The following MTMR2 variants were observed in gnomAD, a reference collection of about 807,000 sequenced individuals.
MTMR2 encodes the protein phosphatidylinositol-3,5-bisphosphate 3-phosphatase MTMR2.
Under a neutral mutation model 86.9 loss-of-function variants are expected in MTMR2, and 55 were observed. The ratio of observed to expected loss-of-function variants is 0.63; its 90% CI spans 0.51 to 0.79. The LOEUF is 0.79. MTMR2 is among the 30% of genes least tolerant of loss of function. The pLI, the probability that MTMR2 is intolerant of heterozygous loss-of-function variation, is 0.00. For synonymous variants in MTMR2, 241 were observed against 266.8 expected, an observed-to-expected ratio of 0.90 and a Z score of 0.94; for missense variants, 659 against 772.3, an observed-to-expected ratio of 0.85 and a Z score of 1.74.
chr11:95,883,974 T>C (rs1865429692), intron 2 of MTMR2, among the ~76,000 whole-genome samples: 1 of 152,212 alleles, frequency 6.6e-6, no homozygotes, highest in Non-Finnish European at 1.5e-5. Flanking sequence ...AAGGAGCTTA[T>C]AAAATGTGAA....
Position 95,923,910 on chromosome 11 carries a change from C to T in MTMR2, c.45G>A (p.Ala15=). The T allele has an allele frequency of 1.3e-6, 2 of 1,559,718 alleles. No homozygotes were observed. Among genetic ancestry groups the T allele is most frequent in the Admixed American group, 3.8e-5 (2 of 52,368 alleles). ...AGTCCACGCTGGGCGGCCGAGCCGC[C>T]GCCGGCTGGGAGCCAAGACTCTCGC... ...SSCESLGSQP[A]AARPPSVDSL... The change falls in exon 1 of 15, where the codon GCG becomes GCA. Residue 15 remains alanine, a synonymous_variant. Transcript: ENST00000346299.
chr11:95,910,349 T>C (rs2135607493), intron 1 of MTMR2, among the ~76,000 whole-genome samples: 1 of 152,166 alleles, frequency 6.6e-6, no homozygotes, highest in South Asian at 2.1e-4. Flanking sequence ...TTCACAGCAA[T>C]GAACAGAATC....
At chr11:95,923,654 AAGGT>A in intron 1 of MTMR2, 1 of 1,410,238 alleles carries the variant, frequency 7.1e-7, no homozygotes, top group East Asian at 2.6e-5. Flanking sequence ...CGGAATATGA[AAGGT>A]AGAGGAATCG....
chr11:95,865,705 A>T (rs768272776), intron 2 of MTMR2, 29 bp from the exon 3 acceptor site: 46 of 1,559,446 alleles, frequency 2.9e-5, no homozygotes, highest in Admixed American at 5.0e-5. Context: ...AAAAAGAAAC[A>T]TTTTTTTATT....
rs1863081865 is a variant in MTMR2 at position 95,832,919 on chromosome 11, AAGGTT to A, written c.*2366_*2370del. ...AGCTTTATTGCAATTCATTTCAAAT[AAGGTT>A]ATGTTTACAGACTTGTGGTAGACAT... On this transcript the variant is annotated 3_prime_UTR_variant, in exon 15 of 15. Coordinates refer to ENST00000346299, the MANE Select transcript of MTMR2 (RefSeq NM_016156.6). 6.6e-6 allele frequency: 1 copy of A among 152,172 alleles called. No homozygotes were observed. Among genetic ancestry groups the A allele is most frequent in the South Asian group, 2.1e-4 (1 of 4,832 alleles). The allele number at this position is 152,172 out of a possible 1,614,324, so 9.4% of individuals were successfully genotyped here. A position where few individuals can be genotyped will look rare whatever the true frequency, so the allele number is the denominator to read the frequency against.
At chr11:95,923,748 C>T (rs1565394652) in intron 1 of MTMR2, 127 bp downstream of exon 1, 1 of 1,478,258 alleles carries the variant, frequency 6.8e-7, no homozygotes, top group Non-Finnish European at 9.0e-7. Context: ...TTCCCAAGTC[C>T]CGGGGAAGGA....
At chr11:95,877,646 C>T (rs549268799) in intron 2 of MTMR2, among the ~76,000 whole-genome samples, 2 of 151,948 alleles carry the variant, frequency 1.3e-5, no homozygotes, top group Non-Finnish European at 2.9e-5. Flanking sequence ...AGGGTGGGCC[C>T]CTAATTCAAT....
Position 95,857,626 on chromosome 11 carries a change from C to T in MTMR2, c.580G>A (p.Ala194Thr). The T allele has an allele frequency of 6.2e-7, 1 of 1,608,938 alleles. No individual in the cohort carries two copies. Among genetic ancestry groups the T allele is most frequent in the Non-Finnish European group, 8.5e-7 (1 of 1,176,222 alleles). ...GGGAATACTTCTTTGTATTCAAAAGCAAAAAGAGGCTACAAAAAAGTAAAC... is the reference window on the plus strand; with the variant it reads ...GGGAATACTTCTTTGTATTCAAAAGTAAAAAGAGGCTACAAAAAAGTAAAC... The part of the protein sequence containing the change: ...FPVSNNLPLF[A>T]FEYKEVFPEN... The change falls in exon 7 of 15, where the codon GCT (alanine) becomes ACT (threonine). Residue 194 changes from alanine (A) to threonine (T), a missense_variant. Physicochemically the swap from Ala to Thr is moderately conservative, Grantham distance 58 (BLOSUM62 0). Transcript: ENST00000346299.
intron 2 of MTMR2, among the ~76,000 whole-genome samples, chr11:95,878,084 G>T (rs118142708): frequency 6.6e-6 from 1 of 150,572 alleles, no homozygotes; most frequent in Admixed American, 6.7e-5. Flanking sequence ...ATTGTGGTAC[G>T]TCATACAAAG....
At position 95,835,351 on chromosome 11, in the gene MTMR2, G is replaced by A. The variant is rs1409158602; in HGVS notation, c.1871C>T (p.Ser624Leu). The stretch of plus-strand genomic sequence containing the variant: ...AGGAGAGCTGGCTCTCTCTGAGGAT[G>A]AGGTTGATCGGTTAGAAATCTCTCT... ...LQREISNRST[S>L]SSERASSPAQ... Residue 624 changes from serine to leucine, a missense_variant, in exon 15 of 15, where the codon TCA becomes TTA. By Grantham distance (145) the Ser-to-Leu change is moderately radical (BLOSUM62 -2). Around this residue, in one of 3 missense-constraint regions of MTMR2, gnomAD observed 193 missense variants for 191.6 expected, o/e 1.01. Transcript: ENST00000346299. 1 of 1,613,026 alleles carries A rather than the reference G, an allele frequency of 6.2e-7. No individual in the cohort carries two copies. Among genetic ancestry groups the A allele is most frequent in the African/African-American group, 1.3e-5 (1 of 74,896 alleles).
intron 2 of MTMR2, chr11:95,887,871 GTTA>G (rs757569669): frequency 1.1e-4 from 42 of 370,220 alleles, no homozygotes; most frequent in East Asian, 9.7e-4. Context: ...GCTATTACTG[GTTA>G]TTATGAGAAT....
At chr11:95,910,412 T>C (rs1866453583) in intron 1 of MTMR2, among the ~76,000 whole-genome samples, 1 of 152,070 alleles carries the variant, frequency 6.6e-6, no homozygotes, top group Non-Finnish European at 1.5e-5. Context: ...AAAGTATTTC[T>C]GAAAATTAAA....
chr11:95,840,478 T>C (rs1863498112), intron 12 of MTMR2, among the ~76,000 whole-genome samples: 1 of 152,114 alleles, frequency 6.6e-6, no homozygotes, highest in Non-Finnish European at 1.5e-5. Flanking sequence ...AAGAAAGTAT[T>C]AAACACTGCA....
chr11:95,868,405 C>T (rs1428727603), intron 2 of MTMR2, among the ~76,000 whole-genome samples: 1 of 150,128 alleles, frequency 6.7e-6, no homozygotes, highest in Non-Finnish European at 1.5e-5. Context: ...ACTGCAAGGA[C>T]ATTTAAAAAT....
intron 11 of MTMR2, among the ~76,000 whole-genome samples, chr11:95,843,828 T>A (rs1863655036): frequency 6.6e-6 from 1 of 152,150 alleles, no homozygotes; most frequent in South Asian, 2.1e-4. Context: ...TTTTTTCAAA[T>A]TTAATTTTCA....
chr11:95,836,937 A>G (rs978731348), intron 13 of MTMR2, among the ~76,000 whole-genome samples: 1 of 152,006 alleles, frequency 6.6e-6, no homozygotes, highest in African/African-American at 2.4e-5. Context: ...TACAACTCAG[A>G]TATACTAAAA....
chr11:95,870,752 ATACTTT>A (rs1487165735), intron 2 of MTMR2, among the ~76,000 whole-genome samples: 1 of 96,386 alleles, frequency 1.0e-5, no homozygotes, highest in African/African-American at 5.4e-5. Context: ...TTTTTTTATT[ATACTTT>A]AAGTTTCAGG....
intron 1 of MTMR2, among the ~76,000 whole-genome samples, chr11:95,917,512 C>T (rs1046443752): frequency 6.6e-6 from 1 of 152,126 alleles, no homozygotes; most frequent in Non-Finnish European, 1.5e-5. Context: ...AGTTGGGGTG[C>T]TGACCTTCAA....
At chr11:95,877,848 C>A (rs1490408057) in intron 2 of MTMR2, among the ~76,000 whole-genome samples, 5 of 151,886 alleles carry the variant, frequency 3.3e-5, no homozygotes, top group Non-Finnish European at 7.4e-5. Flanking sequence ...CAGGTGCCAA[C>A]CCTGCTAACA....
Sources: allele counts gnomAD v4.1 joint callset (sites outside exome capture counted in the v4.1 genomes callset), GRCh38; gene constraint gnomAD v4.1.1; regional missense constraint gnomAD v4.1.1; transcripts MANE v1.5; gene names NCBI Gene and HGNC (gene_info 2026-07-23, HGNC 2026-07-21).